Variants in LINC00305 observed in about 807,000 individuals in gnomAD.
LINC00305 encodes the protein long independently transcribed non-coding RNA 305, also known as long intergenic non-protein coding RNA 305.
At chr18:64,088,027 G>A (rs1283149080) in intron 3 of LINC00305, among the ~76,000 whole-genome samples, 1 of 152,180 alleles carries the variant, frequency 6.6e-6, no homozygotes, top group Non-Finnish European at 1.5e-5. Flanking sequence ...GGAGGCTGAG[G>A]TGAGAGAATG....
At chr18:64,090,416 A>G (rs1038035179) in intron 3 of LINC00305, among the ~76,000 whole-genome samples, 2 of 152,248 alleles carry the variant, frequency 1.3e-5, no homozygotes, top group South Asian at 2.1e-4. Context: ...ACACACACCT[A>G]CAATATCAGT....
At chr18:64,084,617 TTGCTC>T (rs1220422018) in intron 3 of LINC00305, among the ~76,000 whole-genome samples, 1 of 152,260 alleles carries the variant, frequency 6.6e-6, no homozygotes, top group Admixed American at 6.5e-5. Flanking sequence ...CAATAAATCT[TTGCTC>T]TGCAATAAAC....
At chr18:64,130,789 C>T (rs1251929874) in intron 1 of LINC00305, among the ~76,000 whole-genome samples, 2 of 152,042 alleles carry the variant, frequency 1.3e-5, no homozygotes, top group Non-Finnish European at 2.9e-5. Context: ...AATGACATTC[C>T]AGATTATTGA....
At chr18:64,088,370 G>A (rs1179517845) in intron 3 of LINC00305, among the ~76,000 whole-genome samples, 2 of 152,154 alleles carry the variant, frequency 1.3e-5, no homozygotes, top group Non-Finnish European at 2.9e-5. Flanking sequence ...CTAAAGAATG[G>A]CCCTGAAACT....
chr18:64,103,761 G>A (rs1398322572), intron 1 of LINC00305, among the ~76,000 whole-genome samples: 2 of 152,016 alleles, frequency 1.3e-5, no homozygotes, highest in East Asian at 3.9e-4. Context: ...TTCCTAATTT[G>A]TTCTTTTTGA....
intron 3 of LINC00305, among the ~76,000 whole-genome samples, chr18:64,091,852 C>T (rs1421620625): frequency 6.6e-6 from 1 of 152,196 alleles, no homozygotes. Flanking sequence ...AAACACACAC[C>T]TACACAGTTT....
intron 3 of LINC00305, among the ~76,000 whole-genome samples, chr18:64,095,861 C>T (rs950826412): frequency 6.6e-6 from 1 of 152,016 alleles, no homozygotes; most frequent in Non-Finnish European, 1.5e-5. Flanking sequence ...TGAAGAAATA[C>T]ACAAGCTTCA....
chr18:64,106,045 A>G (rs2051289205), intron 1 of LINC00305, among the ~76,000 whole-genome samples: 1 of 152,228 alleles, frequency 6.6e-6, no homozygotes, highest in Admixed American at 6.5e-5. Context: ...GAAGGAAGGG[A>G]ATACTAGCAA....
intron 1 of LINC00305, among the ~76,000 whole-genome samples, chr18:64,110,964 T>A (rs931204634): frequency 6.6e-6 from 1 of 152,164 alleles, no homozygotes; most frequent in African/African-American, 2.4e-5. Flanking sequence ...CTGGAGTGTT[T>A]TTCTACATCC....
At chr18:64,085,607 T>C (rs1383055869) in intron 3 of LINC00305, among the ~76,000 whole-genome samples, 1 of 152,010 alleles carries the variant, frequency 6.6e-6, no homozygotes, top group Non-Finnish European at 1.5e-5. Context: ...GGACTACAGG[T>C]GCACAACTAT....
rs2051480758 is a variant in LINC00305, at chr18:64,143,697, G to GTACATGTATGTCCACATATTATGCA, written n.314+5077_314+5078insTGCATAATATGTGGACATACATGTA. Among the ~76,000 whole-genome samples, 2 of 133,734 alleles carry GTACATGTATGTCCACATATTATGCA rather than the reference G, an allele frequency of 1.5e-5. 1 individual carries two copies. Among genetic ancestry groups the GTACATGTATGTCCACATATTATGCA allele is most frequent in the Non-Finnish European group, 3.3e-5 (2 of 61,378 alleles). 87.7% of individuals were successfully genotyped at this position (133,734 alleles called of 152,430 possible). A position where few individuals can be genotyped will look rare whatever the true frequency, so the allele number is the denominator to read the frequency against. On this transcript the variant is annotated intron_variant and non_coding_transcript_variant, in intron 1 of 3. Coordinates refer to ENST00000666468, the Ensembl canonical transcript of LINC00305. ...ACATATGTATGTCCACATATTATGC[G>GTACATGTATGTCCACATATTATGCA]TACATGTATGTCCACATATTATGCG...
At chr18:64,116,825 G>T (rs1235287396) in intron 1 of LINC00305, among the ~76,000 whole-genome samples, 2 of 152,172 alleles carry the variant, frequency 1.3e-5, no homozygotes, top group Non-Finnish European at 2.9e-5. Context: ...ACAACAAAAA[G>T]TGCTAAACTT....
Position 64,106,692 on chromosome 18 carries a change from G to C in LINC00305, n.315-8052C>G, listed in dbSNP as rs1468650417. On this transcript the variant is annotated intron_variant and non_coding_transcript_variant, in intron 1 of 3. Transcript: ENST00000666468. ...CATCCCACGTGTGTGTCTCTGGAAT[G>C]AGAACACACGGACCCAAGTATGATC... Among the ~76,000 whole-genome samples the C allele has an allele frequency of 2.4e-4, 37 of 152,160 alleles. 1 individual carries two copies. The highest frequency in any genetic ancestry group is 2.4e-3 in the Admixed American group (37 of 15,284).
intron 1 of LINC00305, among the ~76,000 whole-genome samples, chr18:64,120,731 A>T (rs2051358389): frequency 6.6e-6 from 1 of 152,158 alleles, no homozygotes; most frequent in Non-Finnish European, 1.5e-5. Context: ...TTCTATTTCC[A>T]GCAGAATTGT....
At chr18:64,139,688 C>T (rs1028374749) in intron 1 of LINC00305, 3 of 152,006 alleles carry the variant, frequency 2.0e-5, no homozygotes, top group Admixed American at 2.0e-4. Context: ...AAGGCACAGG[C>T]ATCCAGTGTA....
At position 64,146,708 on chromosome 18, in the gene LINC00305, TTTCCAGACACTAGA is replaced by T. The variant is rs530920621; in HGVS notation, n.314+2053_314+2066del. Among the ~76,000 whole-genome samples, 491 of 152,316 alleles carry T rather than the reference TTTCCAGACACTAGA, an allele frequency of 3.2e-3. 5 individuals are homozygous for T. The highest frequency in any genetic ancestry group is 1.5e-3 in the Non-Finnish European group (104 of 68,030). ...TGGAAAGCATTAAGATGCCTACATC[TTTCCAGACACTAGA>T]AAGTAGAATGCTGTATTTAAGCAGA... On this transcript the variant is annotated intron_variant and non_coding_transcript_variant, in intron 1 of 3. Coordinates refer to ENST00000666468, the Ensembl canonical transcript of LINC00305.
intron 1 of LINC00305, among the ~76,000 whole-genome samples, chr18:64,137,392 A>G (rs998143425): frequency 6.6e-6 from 1 of 152,134 alleles, no homozygotes; most frequent in Non-Finnish European, 1.5e-5. Flanking sequence ...TGTTAGGACA[A>G]CCCTGGGAAA....
intron 3 of LINC00305, among the ~76,000 whole-genome samples, chr18:64,091,340 C>G (rs1384604141): frequency 1.3e-5 from 2 of 152,226 alleles, no homozygotes; most frequent in African/African-American, 4.8e-5. Context: ...GAGCATTGCC[C>G]ACACAGTATG....
chr18:64,126,591 T>C (rs1029321608), intron 1 of LINC00305, among the ~76,000 whole-genome samples: 1 of 152,134 alleles, frequency 6.6e-6, no homozygotes, highest in Admixed American at 6.6e-5. Context: ...TATTCATTCA[T>C]CTCCTTCCCT....
Sources: allele counts gnomAD v4.1 joint callset (sites outside exome capture counted in the v4.1 genomes callset), GRCh38; gene constraint gnomAD v4.1.1; transcripts MANE v1.5; gene names NCBI Gene and HGNC (gene_info 2026-07-23, HGNC 2026-07-21).